Variants in UBAC2 observed in about 807,000 individuals in gnomAD.
UBAC2 encodes ubiquitin-associated domain-containing protein 2.
UBAC2 carries 26 observed loss-of-function variants against 44.0 expected under a neutral mutation model. The ratio of observed to expected loss-of-function variants is 0.59; its 90% CI spans 0.43 to 0.82. The LOEUF (loss-of-function observed/expected upper bound fraction) is 0.82, where lower values mean the gene tolerates loss of function less well. Ranked by LOEUF, UBAC2 falls within the 40% of genes least tolerant of loss-of-function variation. UBAC2 has a pLI of 0.00. For missense variants in UBAC2, 329 were observed against 419.4 expected (o/e 0.78, Z 1.88); for synonymous variants, 155 against 154.3 (o/e 1.00, Z -0.04).
chr13:99,296,232 T>TA (rs1381246723), intron 4 of UBAC2: 16 of 1,304,132 alleles, frequency 1.2e-5, no homozygotes, highest in South Asian at 1.7e-5. Context: ...TCATTAGTTT[T>TA]AAAAAAGTTT....
intron 4 of UBAC2, among the ~76,000 whole-genome samples, chr13:99,283,898 C>G (rs1594086122): frequency 6.6e-6 from 1 of 151,940 alleles, no homozygotes; most frequent in East Asian, 1.9e-4. Flanking sequence ...CCACGCCCAG[C>G]TAATTTTTGT....
Position 99,329,163 on chromosome 13 carries a change from C to A in UBAC2, c.561+11094C>A, listed in dbSNP as rs73568082. On this transcript the variant is annotated intron_variant, in intron 6 of 8. Coordinates refer to ENST00000403766, the MANE Select transcript of UBAC2 (RefSeq NM_001144072.2). ...CCAGTTATCTATATGTCTGTCCTTA[C>A]GCCAATACCACACTGCACTGATGAC... 3.3e-5 allele frequency among the ~76,000 whole-genome samples: 5 copies of A among 152,290 alleles called. No homozygotes were observed. In the East Asian group the frequency reaches 7.7e-4, roughly 24 times the overall value.
intron 8 of UBAC2, among the ~76,000 whole-genome samples, chr13:99,368,704 T>A (rs1186039343): frequency 6.6e-6 from 1 of 151,754 alleles, no homozygotes; most frequent in African/African-American, 2.4e-5. Flanking sequence ...TGTGTGTGTG[T>A]GTGTGTGTGT....
chr13:99,371,623 AGC>A (rs2045407898), intron 8 of UBAC2, among the ~76,000 whole-genome samples: 1 of 152,242 alleles, frequency 6.6e-6, no homozygotes, highest in African/African-American at 2.4e-5. Flanking sequence ...AATTAACAAA[AGC>A]TTTTTTTGCT....
chr13:99,336,515 G>A (rs1314512380), intron 6 of UBAC2, among the ~76,000 whole-genome samples: 1 of 152,120 alleles, frequency 6.6e-6, no homozygotes, highest in Non-Finnish European at 1.5e-5. Flanking sequence ...TGTCAGGAAG[G>A]GGCCCTGTTC....
At chr13:99,230,817 G>C (rs967781504) in intron 1 of UBAC2, among the ~76,000 whole-genome samples, 11 of 152,146 alleles carry the variant, frequency 7.2e-5, no homozygotes, top group African/African-American at 2.4e-4. Context: ...TTGGGAGGCC[G>C]AGGCGGGTGG....
intron 7 of UBAC2, among the ~76,000 whole-genome samples, chr13:99,362,007 C>T (rs781436736): frequency 6.6e-5 from 10 of 151,744 alleles, no homozygotes; most frequent in Non-Finnish European, 8.8e-5. Context: ...ACCCTCATCC[C>T]CAAAAAAAGT....
chr13:99,296,365 G>T (rs1314066037), intron 4 of UBAC2, among the ~76,000 whole-genome samples: 1 of 152,132 alleles, frequency 6.6e-6, no homozygotes, highest in Non-Finnish European at 1.5e-5. Flanking sequence ...AGGAAGAACA[G>T]AATAAAATTT....
At chr13:99,322,504 T>G (rs2044581395) in intron 6 of UBAC2, among the ~76,000 whole-genome samples, 1 of 152,196 alleles carries the variant, frequency 6.6e-6, no homozygotes, top group Non-Finnish European at 1.5e-5. Flanking sequence ...GTTCACACAT[T>G]TATCTTTACT....
chr13:99,238,732 A>G (rs1276724876), intron 2 of UBAC2, among the ~76,000 whole-genome samples, 178 bp downstream of exon 2: 2 of 152,202 alleles, frequency 1.3e-5, no homozygotes, highest in Non-Finnish European at 2.9e-5. Flanking sequence ...AAAACAGATA[A>G]TAATGAAGCA....
chr13:99,355,915 A>G (rs879599703), intron 7 of UBAC2, among the ~76,000 whole-genome samples: 1 of 152,186 alleles, frequency 6.6e-6, no homozygotes, highest in Non-Finnish European at 1.5e-5. Context: ...CTGCACCTCC[A>G]GGGCCTCCCC....
chr13:99,228,867 A>T (rs918519294), intron 1 of UBAC2, among the ~76,000 whole-genome samples: 8 of 152,224 alleles, frequency 5.3e-5, no homozygotes, highest in Non-Finnish European at 1.0e-4. Context: ...GATGCTCACA[A>T]GACCTTACCA....
At chr13:99,372,602 C>G (rs1281622006) in intron 8 of UBAC2, 1 of 152,260 alleles carries the variant, frequency 6.6e-6, no homozygotes, top group Non-Finnish European at 1.5e-5. Flanking sequence ...TGGAGAAAGA[C>G]AGGTGGCGTC....
intron 4 of UBAC2, among the ~76,000 whole-genome samples, chr13:99,307,560 G>A (rs1183276648): frequency 6.6e-6 from 1 of 151,476 alleles, no homozygotes; most frequent in Admixed American, 6.6e-5. Context: ...TAAATGGGAA[G>A]TGAAATTTTT....
intron 4 of UBAC2, among the ~76,000 whole-genome samples, chr13:99,282,111 G>A (rs890004735): frequency 6.6e-6 from 1 of 152,188 alleles, no homozygotes; most frequent in Non-Finnish European, 1.5e-5. Context: ...CTGCAGGGTG[G>A]CTGGCAGCAT....
intron 1 of UBAC2, chr13:99,215,496 C>T: frequency 6.8e-7 from 1 of 1,460,824 alleles, no homozygotes; most frequent in Non-Finnish European, 9.6e-7. Flanking sequence ...TAGCAAGTTG[C>T]AAGTGACGAG....
intron 8 of UBAC2, among the ~76,000 whole-genome samples, chr13:99,373,095 T>C (rs2138910016): frequency 6.6e-6 from 1 of 152,016 alleles, no homozygotes; most frequent in Admixed American, 6.5e-5. Flanking sequence ...CACTCCAGCC[T>C]GGGTGACAGA....
At chr13:99,266,992 T>C (rs548102831) in intron 4 of UBAC2, among the ~76,000 whole-genome samples, 82 of 152,246 alleles carry the variant, frequency 5.4e-4, no homozygotes, top group African/African-American at 1.9e-3. Context: ...TTTCTCCCTA[T>C]CTTGGCTCGC....
At chr13:99,338,401 T>A (rs906712324) in intron 6 of UBAC2, among the ~76,000 whole-genome samples, 3 of 152,188 alleles carry the variant, frequency 2.0e-5, no homozygotes, top group Admixed American at 2.0e-4. Flanking sequence ...TTGGACCACA[T>A]TGAAAGCTGT....
Sources: allele counts gnomAD v4.1 joint callset (sites outside exome capture counted in the v4.1 genomes callset), GRCh38; gene constraint gnomAD v4.1.1; transcripts MANE v1.5; gene names NCBI Gene and HGNC (gene_info 2026-07-23, HGNC 2026-07-21).